LRP2: variants seen among roughly 807,000 people sequenced by gnomAD.
LRP2 encodes the protein LDL receptor related protein 2.
Under a neutral mutation model 531.0 loss-of-function variants are expected in LRP2, and 172 were observed. The observed-to-expected ratio is 0.32, with a 90% CI of 0.29 to 0.37. LRP2 has a LOEUF of 0.37. Among genes scored for constraint, LRP2 ranks in the 10% least tolerant of loss-of-function variants. The pLI, the probability that LRP2 is intolerant of heterozygous loss-of-function variation, is 1.00. For missense variants in LRP2, 5,167 were observed against 5,868.3 expected, an observed-to-expected ratio of 0.88 and a Z score of 3.90; for synonymous variants, 1,992 against 2,027.6, an observed-to-expected ratio of 0.98 and a Z score of 0.47.
chr2:169,202,704 T>C, intron 43 of LRP2, 52 bp downstream of exon 43: 2 of 1,567,564 alleles, frequency 1.3e-6, no homozygotes, highest in Non-Finnish European at 1.8e-6. Context: ...ACCAAACACT[T>C]GACATCAAGA....
At chr2:169,220,771 A>C in intron 33 of LRP2, among the ~76,000 whole-genome samples, 1 of 152,170 alleles carries the variant, frequency 6.6e-6, no homozygotes, top group East Asian at 1.9e-4. Context: ...GAGCAGCAAA[A>C]TCACCTCCCA....
In LRP2 at chr2:169,362,461, G is replaced by A; in HGVS notation, c.-62C>T. The A allele has an allele frequency of 1.5e-6, 2 of 1,376,674 alleles. No homozygotes were observed. The highest frequency in any genetic ancestry group is 2.0e-6 in the Non-Finnish European group (2 of 998,716). The allele number at this position is 1,376,674 out of a possible 1,614,324, so 85.3% of individuals were successfully genotyped here. ...GGGAGGTGGGCGCGCGTAGCACACC[G>A]CACCGGCAGCGCCTCTGCTAGCGAA... On this transcript the variant is annotated 5_prime_UTR_variant, in exon 1 of 79. Coordinates refer to ENST00000649046, the MANE Select transcript of LRP2 (RefSeq NM_004525.3).
intron 11 of LRP2, 50 bp downstream of exon 11, chr2:169,280,300 T>C: frequency 1.2e-6 from 2 of 1,605,144 alleles, no homozygotes; most frequent in Non-Finnish European, 1.7e-6. Flanking sequence ...TGAAAAGCTA[T>C]CAACACTTTG....
chr2:169,204,659 C>A (rs983167656), intron 41 of LRP2, among the ~76,000 whole-genome samples: 6 of 152,108 alleles, frequency 3.9e-5, no homozygotes, highest in African/African-American at 1.4e-4. Context: ...TATTGAGTAC[C>A]TTGAGGTGTT....
chr2:169,169,085 A>G lies in LRP2; in HGVS notation c.11498-409T>C, dbSNP rs147252083. ...CAGTTTGCATTGATTCAAGTGATCCATAAAGACTCAAATCTGAGTAATCAT... is the reference window on the plus strand; with the variant it reads ...CAGTTTGCATTGATTCAAGTGATCCGTAAAGACTCAAATCTGAGTAATCAT... On this transcript the variant is annotated intron_variant, in intron 60 of 78. Transcript: ENST00000649046. Among the ~76,000 whole-genome samples, 21 of 152,366 alleles carry G rather than the reference A, an allele frequency of 1.4e-4. No homozygotes were observed. The East Asian group carries it at 3.1e-3, about 22-fold the overall frequency.
intron 4 of LRP2, among the ~76,000 whole-genome samples, chr2:169,295,225 A>C (rs1684106103): frequency 6.6e-6 from 1 of 152,222 alleles, no homozygotes; most frequent in South Asian, 2.1e-4. Context: ...CAGAGGTACC[A>C]CTAAGCAGCT....
At chr2:169,352,200 G>A (rs916669101) in intron 1 of LRP2, among the ~76,000 whole-genome samples, 2 of 152,130 alleles carry the variant, frequency 1.3e-5, no homozygotes, top group Non-Finnish European at 1.5e-5. Flanking sequence ...ACGTTCTTAG[G>A]AGGGTCTGGG....
rs1006770546 is a variant in LRP2, at chr2:169,145,757, G to A, written c.12978C>T (p.Tyr4326=). 1.9e-6 allele frequency: 3 copies of A among 1,614,066 alleles called. No individual in the cohort carries two copies. Among genetic ancestry groups the A allele is most frequent in the Non-Finnish European group, 2.5e-6 (3 of 1,179,992 alleles). The change falls in exon 70 of 79, where the codon TAC becomes TAT. Residue 4326 remains tyrosine (Y), a synonymous_variant. Transcript: ENST00000649046. ...AAAGTTGGTGATTACCTGACTTATTGTATCTGAGTTGATGAAAGATTCGAA... is the reference window on the plus strand; with the variant it reads ...AAAGTTGGTGATTACCTGACTTATTATATCTGAGTTGATGAAAGATTCGAA... The part of the protein sequence containing the change: ...TQVRIFHQLR[Y]NKSVPNLCKQ...
chr2:169,209,639 G>A lies in LRP2; in HGVS notation c.6283C>T (p.Arg2095Ter), dbSNP rs753549113. 9 of 1,613,812 alleles carry A rather than the reference G, an allele frequency of 5.6e-6. No homozygotes were observed. Among genetic ancestry groups the A allele is most frequent in the Non-Finnish European group, 7.6e-6 (9 of 1,179,880 alleles). Residue 2095 changes from arginine (R) to a stop codon, truncating the protein, a stop_gained and splice_region_variant, in exon 38 of 79, where the codon CGA becomes TGA. Transcript: ENST00000649046. LOFTEE classifies it high-confidence loss of function. ...ETMVPVAGQG[R>*]NALHVDVDVS... Reference sequence around the variant, plus strand: ...TCCACATCCACATGCAGTGCGTTTCGTCCTGGAAGTTAAGAAAAGATCATT... The same window carrying A: ...TCCACATCCACATGCAGTGCGTTTCATCCTGGAAGTTAAGAAAAGATCATT...
Position 169,256,165 on chromosome 2 carries a change from C to T in LRP2, c.2711G>A (p.Arg904Lys). ...CTGCTCTATATGGCCCAGTCTTCTT[C>T]TGTCTAAACCATCAAAGGTGCTGTG... The part of the protein sequence containing the change: ...IEHSTFDGLD[R>K]RRLGHIEQMT... The change falls in exon 19 of 79, where the codon AGA becomes AAA. Residue 904 changes from arginine (R) to lysine (K), a missense_variant. By Grantham distance (26) the Arg-to-Lys change is conservative (BLOSUM62 2). Around this residue, in one of 6 missense-constraint regions of LRP2, gnomAD observed 2,811 missense variants for 3,058.0 expected, o/e 0.92. Transcript: ENST00000649046. 6.2e-7 allele frequency: 1 copy of T among 1,613,022 alleles called. No individual in the cohort carries two copies. The highest frequency in any genetic ancestry group is 1.3e-5 in the African/African-American group (1 of 74,982).
chr2:169,165,130 A>G (rs1375182912), intron 62 of LRP2, among the ~76,000 whole-genome samples: 1 of 152,240 alleles, frequency 6.6e-6, no homozygotes, highest in Non-Finnish European at 1.5e-5. Context: ...ATTCTGTGGC[A>G]AAGCGTTCTA....
intron 4 of LRP2, among the ~76,000 whole-genome samples, chr2:169,303,205 A>T (rs1055878261): frequency 1.3e-5 from 2 of 152,156 alleles, no homozygotes; most frequent in African/African-American, 4.8e-5. Flanking sequence ...AACCTTCCAT[A>T]CTAAAAAAGG....
intron 16 of LRP2, among the ~76,000 whole-genome samples, chr2:169,264,354 G>A (rs1690705541): frequency 1.3e-5 from 2 of 152,034 alleles, no homozygotes; most frequent in African/African-American, 2.4e-5. Context: ...CAAAACAGAA[G>A]GAAGCTGACC....
chr2:169,232,049 A>G (rs1689426270), intron 30 of LRP2, among the ~76,000 whole-genome samples: 1 of 152,184 alleles, frequency 6.6e-6, no homozygotes. Flanking sequence ...CTTAGAATTC[A>G]TAAGAGACAC....
At chr2:169,342,557 T>G (rs1269996767) in intron 1 of LRP2, among the ~76,000 whole-genome samples, 1 of 152,142 alleles carries the variant, frequency 6.6e-6, no homozygotes, top group African/African-American at 2.4e-5. Flanking sequence ...GCACCAAACT[T>G]CTTAGCTTGA....
chr2:169,342,530 C>G (rs1466208587), intron 1 of LRP2, among the ~76,000 whole-genome samples: 2 of 152,148 alleles, frequency 1.3e-5, no homozygotes, highest in Non-Finnish European at 2.9e-5. Context: ...TACTTCCCAG[C>G]TTACATTTCT....
chr2:169,315,959 C>CCAAAAA (rs1553513420), intron 3 of LRP2, among the ~76,000 whole-genome samples: 3 of 73,730 alleles, frequency 4.1e-5, no homozygotes, highest in East Asian at 3.7e-4. Flanking sequence ...CCCATCTCTA[C>CCAAAAA]AAAAAAAAAA....
At chr2:169,257,423 A>G (rs916147722) in intron 17 of LRP2, among the ~76,000 whole-genome samples, 174 bp from the exon 18 acceptor site, 1 of 152,164 alleles carries the variant, frequency 6.6e-6, no homozygotes, top group African/African-American at 2.4e-5. Context: ...GTTAAAATTT[A>G]GTTAACATGT....
intron 9 of LRP2, 91 bp from the exon 10 acceptor site, chr2:169,283,092 T>C: frequency 7.4e-7 from 1 of 1,344,214 alleles, no homozygotes; most frequent in Non-Finnish European, 1.1e-6. Context: ...TGGCCAAGAA[T>C]GTGGTGTTGC....
Sources: gnomAD v4.1 joint callset for allele counts (sites outside exome capture counted in the v4.1 genomes callset) on GRCh38, gnomAD v4.1.1 for gene constraint, gnomAD v4.1.1 regional missense constraint, MANE v1.5 for transcripts, NCBI Gene and HGNC (gene_info 2026-07-23, HGNC 2026-07-21) for gene names.